LARP7: variants seen among roughly 807,000 people sequenced by gnomAD.
The protein encoded by LARP7 is la-related protein 7.
In LARP7, 52 loss-of-function variants were observed where a neutral mutation model predicts 69.3. The observed-to-expected ratio is 0.75, with a 90% CI of 0.60 to 0.95. LARP7 has a LOEUF of 0.95. Ranked by LOEUF, LARP7 falls within the 40% of genes least tolerant of loss-of-function variation. The probability of loss-of-function intolerance (pLI) is 0.00; values close to 1 mark genes in which losing one functional copy is unlikely to be tolerated. For missense variants in LARP7, 733 were observed against 673.0 expected, an observed-to-expected ratio of 1.09 and a Z score of -0.99; for synonymous variants, 254 against 215.9, an observed-to-expected ratio of 1.18 and a Z score of -1.55.
chr4:112,657,170 T>TTGTGTGTGTGTGTGTGTGTGTG (rs35719274), intron 12 of LARP7, 77 bp from the exon 13 acceptor site: 67 of 517,038 alleles, frequency 1.3e-4, no homozygotes, highest in African/African-American at 9.2e-4. Context: ...AGTCATAGTT[T>TTGTGTGTGTGTGTGTGTGTGTG]TGTGTGTGTG....
At chr4:112,651,362 CT>C (rs1246834041) in intron 10 of LARP7, among the ~76,000 whole-genome samples, 1 of 152,114 alleles carries the variant, frequency 6.6e-6, no homozygotes, top group African/African-American at 2.4e-5. Flanking sequence ...TCCTACAATC[CT>C]ATAGCTGTCA....
At chr4:112,640,343 A>G (rs1465082639) in intron 1 of LARP7, among the ~76,000 whole-genome samples, 2 of 152,238 alleles carry the variant, frequency 1.3e-5, no homozygotes, top group Non-Finnish European at 2.9e-5. Flanking sequence ...ATACTTAGGT[A>G]CTGATGAAGT....
rs921373520 is a variant in LARP7, at chr4:112,646,525, T to C, written c.304-63T>C. The C allele has an allele frequency of 1.2e-5, 15 of 1,267,884 alleles. No individual in the cohort carries two copies. The African/African-American group carries it at 1.4e-4, about 12-fold the overall frequency. 78.5% of individuals were successfully genotyped at this position (1,267,884 alleles called of 1,614,324 possible). A position where few individuals can be genotyped will look rare whatever the true frequency, so the allele number is the denominator to read the frequency against. The stretch of plus-strand genomic sequence containing the variant: ...AAGAATGTTAACGTAATGATTATTA[T>C]ATGATTATAGCTTACAATTATAAAT... On this transcript the variant is annotated intron_variant, in intron 3 of 12. Coordinates refer to ENST00000344442, the MANE Select transcript of LARP7 (RefSeq NM_016648.4).
At chr4:112,654,609 A>G (rs1325574794) in intron 12 of LARP7, 1 of 153,820 alleles carries the variant, frequency 6.5e-6, no homozygotes, top group African/African-American at 2.4e-5. Flanking sequence ...TCTCTAAGAT[A>G]GTAGGTAATA....
At chr4:112,650,617 TTCTTC>T (rs1560946088) in intron 10 of LARP7, 35 bp downstream of exon 10, 10 of 1,577,492 alleles carry the variant, frequency 6.3e-6, no homozygotes, top group Non-Finnish European at 7.7e-6. Context: ...ATTTGTTCCT[TTCTTC>T]TCTTATTATT....
intron 2 of LARP7, among the ~76,000 whole-genome samples, chr4:112,646,079 A>G (rs2048206369): frequency 6.6e-6 from 1 of 151,932 alleles, no homozygotes; most frequent in Admixed American, 6.6e-5. Context: ...TCCTGGGTTC[A>G]AGCGATTCTC....
chr4:112,646,306 A>T, intron 2 of LARP7, 45 bp from the exon 3 acceptor site: 1 of 976,180 alleles, frequency 1.0e-6, no homozygotes, highest in Non-Finnish European at 1.6e-6. Flanking sequence ...AAATTGAATT[A>T]ATCCTGCTGA....
rs1269618076 is a variant in LARP7, at chr4:112,644,734, A to T, written c.65A>T (p.Glu22Val). Reference sequence around the variant, plus strand: ...GAAGAAAGCACTGAAAAGAAAAAAGAAGTTGAAAAAAAGAAACGGTCACGA... The same window carrying T: ...GAAGAAAGCACTGAAAAGAAAAAAGTAGTTGAAAAAAAGAAACGGTCACGA... ...MEEESTEKKKEVEKKKRSRVK... is the reference protein window; with the variant it reads ...MEEESTEKKKVVEKKKRSRVK... Residue 22 changes from glutamate to valine, a missense_variant, in exon 2 of 13, where the codon GAA becomes GTA. Glu to Val is a moderately radical substitution (Grantham distance 121, BLOSUM62 -2). Coordinates refer to ENST00000344442, the MANE Select transcript of LARP7 (RefSeq NM_016648.4). The T allele has an allele frequency of 1.2e-6, 2 of 1,608,544 alleles. No individual in the cohort carries two copies. The highest frequency in any genetic ancestry group is 3.3e-5 in the Admixed American group (2 of 59,864).
chr4:112,654,044 T>C, intron 11 of LARP7, 24 bp from the exon 12 acceptor site: 1 of 1,543,142 alleles, frequency 6.5e-7, no homozygotes, highest in Non-Finnish European at 9.0e-7. Flanking sequence ...TTTTCATCCA[T>C]CAGAGTCTTT....
intron 1 of LARP7, among the ~76,000 whole-genome samples, chr4:112,640,078 A>G (rs2047901800): frequency 6.6e-6 from 1 of 152,070 alleles, no homozygotes; most frequent in Non-Finnish European, 1.5e-5. Context: ...AGCTGGCATT[A>G]CAGGCATGGG....
In LARP7 at chr4:112,637,241, T is replaced by G. The variant is rs1029217686; in HGVS notation, c.-3+2T>G. Reference sequence around the variant, plus strand: ...CCTGTATTTTGGGAGTCGAACGGAGTAAGTTACAAGCGGCCTATAGGGTCG... The same window carrying G: ...CCTGTATTTTGGGAGTCGAACGGAGGAAGTTACAAGCGGCCTATAGGGTCG... On this transcript the variant is annotated splice_donor_variant, in intron 1 of 12. Transcript: ENST00000344442. LOFTEE classifies it low-confidence loss of function (5UTR_SPLICE). 1 of 152,044 alleles carries G rather than the reference T, an allele frequency of 6.6e-6. No homozygotes were observed. The highest frequency in any genetic ancestry group is 1.5e-5 in the Non-Finnish European group (1 of 68,032). The allele number at this position is 152,044 out of a possible 1,614,324, so 9.4% of individuals were successfully genotyped here.
At chr4:112,643,663 C>T (rs1470221364) in intron 1 of LARP7, among the ~76,000 whole-genome samples, 1 of 151,956 alleles carries the variant, frequency 6.6e-6, no homozygotes, top group Non-Finnish European at 1.5e-5. Context: ...GCCTGGCCAA[C>T]ATGGTGAAAC....
At chr4:112,640,994 A>T (rs1477021758) in intron 1 of LARP7, among the ~76,000 whole-genome samples, 1 of 152,212 alleles carries the variant, frequency 6.6e-6, no homozygotes, top group Non-Finnish European at 1.5e-5. Context: ...TTATGTTTGG[A>T]CTGAGCCTGT....
intron 10 of LARP7, among the ~76,000 whole-genome samples, chr4:112,651,370 G>A (rs1211535106): frequency 1.3e-5 from 2 of 152,054 alleles, no homozygotes; most frequent in African/African-American, 2.4e-5. Flanking sequence ...TCCTATAGCT[G>A]TCACTAAGAA....
rs745604512 is a variant in LARP7, at chr4:112,647,390, GAC to G, written c.840_841del (p.Asp280GlufsTer3). 2.5e-6 allele frequency: 4 copies of G among 1,613,900 alleles called. No homozygotes were observed. The highest frequency in any genetic ancestry group is 3.4e-6 in the Non-Finnish European group (4 of 1,180,010). ...GTGCTCAAAGAAAAAGAAAAAACGG[GAC>G]AGAGTTGAAGCATCTAGCTTACCTG... Reference protein sequence around the residue: ...KQCSKKKKKRDRVEASSLPEV... With the variant: ...KQCSKKKKKRXRVEASSLPEV... On this transcript the variant is annotated frameshift_variant, in exon 7 of 13. Transcript: ENST00000344442. LOFTEE classifies it high-confidence loss of function.
In LARP7 at chr4:112,646,678, T is replaced by G; in HGVS notation, c.387+7T>G. 1 of 1,589,786 alleles carries G rather than the reference T, an allele frequency of 6.3e-7. No homozygotes were observed. The highest frequency in any genetic ancestry group is 8.5e-7 in the Non-Finnish European group (1 of 1,170,780). On this transcript the variant is annotated splice_region_variant and intron_variant, in intron 4 of 12. Transcript: ENST00000344442. ...TGAACGCACAGTGTATGTGGTAAGCTTAAGAACCCGGGTCCCCAGTCAGAA... is the reference window on the plus strand; with the variant it reads ...TGAACGCACAGTGTATGTGGTAAGCGTAAGAACCCGGGTCCCCAGTCAGAA...
At position 112,644,754 on chromosome 4, in the gene LARP7, T is replaced by C; in HGVS notation, c.85T>C (p.Ser29Pro). 1 of 1,610,604 alleles carries C rather than the reference T, an allele frequency of 6.2e-7. No homozygotes were observed. The highest frequency in any genetic ancestry group is 8.5e-7 in the Non-Finnish European group (1 of 1,177,868). Residue 29 changes from serine to proline, a missense_variant, in exon 2 of 13, where the codon TCA (serine) becomes CCA (proline). Physicochemically the swap from Ser to Pro is moderately conservative, Grantham distance 74. Coordinates refer to ENST00000344442, the MANE Select transcript of LARP7 (RefSeq NM_016648.4). ...AAAAGAAGTTGAAAAAAAGAAACGG[T>C]CACGAGTTAAACAGGTGCTTGCAGA... The part of the protein sequence containing the change: ...KKKEVEKKKR[S>P]RVKQVLADIA...
At position 112,650,496 on chromosome 4, in the gene LARP7, GTT is replaced by G; in HGVS notation, c.1331_1332del (p.Val444GlufsTer17). ...GGAAGAGTGTCGCACCCAGGAGAAAGTTAATGCAACAGGACCACAGTTCGTGA... is the reference window on the plus strand; with the variant it reads ...GGAAGAGTGTCGCACCCAGGAGAAAGAATGCAACAGGACCACAGTTCGTGA... ...NREECRTQEKVNATGPQFVSG... is the reference protein window; with the variant it reads ...NREECRTQEKXNATGPQFVSG... On this transcript the variant is annotated frameshift_variant, in exon 10 of 13. Transcript: ENST00000344442. LOFTEE classifies it high-confidence loss of function. The G allele has an allele frequency of 6.2e-7, 1 of 1,613,746 alleles. No individual in the cohort carries two copies.
Position 112,654,130 on chromosome 4 carries a change from C to A in LARP7, c.1639C>A (p.Pro547Thr). 1 of 1,613,694 alleles carries A rather than the reference C, an allele frequency of 6.2e-7. No individual in the cohort carries two copies. Among genetic ancestry groups the A allele is most frequent in the Middle Eastern group, 1.7e-4 (1 of 6,056 alleles). Reference sequence around the variant, plus strand: ...TGATAGACAGGCAAAACTTAATCAGCCTCGGGAAAAGAAAAGAGGCACTGA... The same window carrying A: ...TGATAGACAGGCAAAACTTAATCAGACTCGGGAAAAGAAAAGAGGCACTGA... ...LVDRQAKLNQ[P>T]REKKRGTEKL... Residue 547 changes from proline (P) to threonine (T), a missense_variant, in exon 12 of 13, where the codon CCT becomes ACT. By Grantham distance (38) the Pro-to-Thr change is conservative. Coordinates refer to ENST00000344442, the MANE Select transcript of LARP7 (RefSeq NM_016648.4).
Sources: allele counts gnomAD v4.1 joint callset (sites outside exome capture counted in the v4.1 genomes callset), GRCh38; gene constraint gnomAD v4.1.1; transcripts MANE v1.5; gene names NCBI Gene and HGNC (gene_info 2026-07-23, HGNC 2026-07-21).